Variants in TNS3 observed in about 807,000 individuals in gnomAD.
The protein encoded by TNS3 is tensin-3.
Under a neutral mutation model 140.9 loss-of-function variants are expected in TNS3, and 45 were observed. That is an observed-to-expected ratio of 0.32 (90% CI 0.25 to 0.41). TNS3 has a LOEUF of 0.41. TNS3 is among the 10% of genes least tolerant of loss of function. The pLI is 1.00. For missense variants in TNS3, 1,716 were observed against 1,906.7 expected (o/e 0.90, Z 1.86); for synonymous variants, 815 against 788.4 (o/e 1.03, Z -0.56).
chr7:47,552,627 C>T (rs1224686627), intron 1 of TNS3, among the ~76,000 whole-genome samples: 1 of 152,160 alleles, frequency 6.6e-6, no homozygotes. Context: ...TGAACCAAAT[C>T]CATATAAGAC....
intron 8 of TNS3, among the ~76,000 whole-genome samples, chr7:47,430,131 CTT>C (rs34003202): frequency 0.37 from 52,609 of 141,446 alleles, 9,674 homozygotes; most frequent in Non-Finnish European, 0.42. Flanking sequence ...CTTTTCTTTT[CTT>C]TTTTTTTTTT....
At chr7:47,344,147 T>C (rs2150989830) in intron 20 of TNS3, among the ~76,000 whole-genome samples, 1 of 152,296 alleles carries the variant, frequency 6.6e-6, no homozygotes, top group Middle Eastern at 3.4e-3. Context: ...GAGCTCGGCC[T>C]TGTCCTGGAC....
In TNS3 at chr7:47,344,670, T is replaced by C; in HGVS notation, c.2650+85A>G. ...CGACACAAATGGAAACATTTCTGCA[T>C]ACGAGTTCTTCTCTGTAAAAATGGC... On this transcript the variant is annotated intron_variant, in intron 20 of 30. Coordinates refer to ENST00000311160, the MANE Select transcript of TNS3 (RefSeq NM_022748.12). 5.8e-6 allele frequency: 7 copies of C among 1,202,240 alleles called. 1 individual carries two copies. The South Asian group carries it at 9.2e-5, about 16-fold the overall frequency. The allele number at this position is 1,202,240 out of a possible 1,614,324, so 74.5% of individuals were successfully genotyped here.
chr7:47,386,872 C>A (rs945997574), intron 16 of TNS3, among the ~76,000 whole-genome samples: 7 of 152,208 alleles, frequency 4.6e-5, no homozygotes, highest in Non-Finnish European at 7.3e-5. Context: ...GGATGTTTTA[C>A]ATAAAATATC....
chr7:47,340,092 CATATATATAT>C (rs199944761), intron 20 of TNS3, among the ~76,000 whole-genome samples: 26 of 46,038 alleles, frequency 5.6e-4, no homozygotes, highest in African/African-American at 1.5e-3. Context: ...TGTGCATATA[CATATATATAT>C]ATATATATAT....
chr7:47,507,534 C>T (rs1037233795), intron 2 of TNS3, among the ~76,000 whole-genome samples: 1 of 152,180 alleles, frequency 6.6e-6, no homozygotes, highest in African/African-American at 2.4e-5. Context: ...TGTCTAAATT[C>T]CTATAGGAGA....
At chr7:47,359,882 C>A (rs1790215993) in intron 17 of TNS3, among the ~76,000 whole-genome samples, 2 of 152,112 alleles carry the variant, frequency 1.3e-5, no homozygotes, top group Non-Finnish European at 2.9e-5. Context: ...GCAGTGTGGA[C>A]TGAGCAGAAG....
chr7:47,518,481 T>C (rs1224453170), intron 2 of TNS3, among the ~76,000 whole-genome samples: 5 of 152,140 alleles, frequency 3.3e-5, no homozygotes, highest in Non-Finnish European at 5.9e-5. Context: ...CCCCAGATAT[T>C]CAGTTTTACT....
chr7:47,286,847 CA>C (rs1785445454), intron 27 of TNS3, among the ~76,000 whole-genome samples: 1 of 151,964 alleles, frequency 6.6e-6, no homozygotes, highest in Non-Finnish European at 1.5e-5. Flanking sequence ...TTGTAAAAAC[CA>C]TGGGTAAACT....
rs55743320 is a variant in TNS3 at position 47,433,883 on chromosome 7, A to ATC, written c.324+1397_324+1398dup. Among the ~76,000 whole-genome samples, 868 of 149,536 alleles carry ATC rather than the reference A, an allele frequency of 5.8e-3. 7 individuals carry two copies. Among genetic ancestry groups the ATC allele is most frequent in the African/African-American group, 0.019 (755 of 40,606 alleles). ...TATTTATTTAAAAGTCCGTCTGTCT[A>ATC]TCTCTCTCTCTCTCTCTCTCTCTCT... On this transcript the variant is annotated intron_variant, in intron 8 of 30. Coordinates refer to ENST00000311160, the MANE Select transcript of TNS3 (RefSeq NM_022748.12).
chr7:47,293,433 G>A (rs1202397609), intron 25 of TNS3, among the ~76,000 whole-genome samples: 1 of 152,188 alleles, frequency 6.6e-6, no homozygotes, highest in Non-Finnish European at 1.5e-5. Context: ...TCATGCTGGA[G>A]CTCCAACCTT....
At chr7:47,359,759 G>A (rs750361055) in intron 17 of TNS3, among the ~76,000 whole-genome samples, 4 of 152,100 alleles carry the variant, frequency 2.6e-5, no homozygotes, top group Non-Finnish European at 4.4e-5. Flanking sequence ...GGTTATATTC[G>A]CTATGACTTT....
rs1450105068 is a variant in TNS3, at chr7:47,277,103, G to A, written c.*973C>T. Reference sequence around the variant, plus strand: ...GTTGCTTGAGGCAAAGCCACCTTTGGGCGGCACCGCATATGGGAGACCCAC... The same window carrying A: ...GTTGCTTGAGGCAAAGCCACCTTTGAGCGGCACCGCATATGGGAGACCCAC... On this transcript the variant is annotated 3_prime_UTR_variant, in exon 31 of 31. Coordinates refer to ENST00000311160, the MANE Select transcript of TNS3 (RefSeq NM_022748.12). 2 of 151,878 alleles carry A rather than the reference G, an allele frequency of 1.3e-5. No individual in the cohort carries two copies. The highest frequency in any genetic ancestry group is 1.9e-4 in the East Asian group (1 of 5,148). The allele number at this position is 151,878 out of a possible 1,614,324, so 9.4% of individuals were successfully genotyped here.
intron 1 of TNS3, among the ~76,000 whole-genome samples, chr7:47,557,972 A>G (rs1800239738): frequency 6.6e-6 from 1 of 152,198 alleles, no homozygotes; most frequent in African/African-American, 2.4e-5. Context: ...GCCTCGGGAC[A>G]TCTCTGCTGT....
At chr7:47,547,569 T>C (rs1045091746) in intron 1 of TNS3, among the ~76,000 whole-genome samples, 1 of 151,938 alleles carries the variant, frequency 6.6e-6, no homozygotes, top group African/African-American at 2.4e-5. Context: ...AATCCTATAG[T>C]TCCATCAGAT....
intron 17 of TNS3, among the ~76,000 whole-genome samples, chr7:47,347,236 A>C (rs927489901): frequency 1.3e-5 from 2 of 152,244 alleles, no homozygotes; most frequent in African/African-American, 4.8e-5. Context: ...AGTTTGATTC[A>C]TAAACATGAG....
intron 2 of TNS3, among the ~76,000 whole-genome samples, chr7:47,522,111 T>G (rs1381158680): frequency 6.6e-6 from 1 of 152,140 alleles, no homozygotes; most frequent in Non-Finnish European, 1.5e-5. Context: ...GTCCCAGGTA[T>G]CAGCAGGGAT....
rs570303019 is a variant in TNS3, at chr7:47,444,770, C to T, written c.-75-2715G>A. 2.0e-5 allele frequency among the ~76,000 whole-genome samples: 3 copies of T among 152,270 alleles called. No individual in the cohort carries two copies. In the South Asian group the frequency reaches 6.2e-4, roughly 32 times the overall value. ...CCAATGTTCAAACCCCGAAACCATA[C>T]AAATTGCAACCACTGCCAAAAAAAC... is the stretch of plus-strand genomic sequence containing the variant. On this transcript the variant is annotated intron_variant, in intron 4 of 30. Transcript: ENST00000311160.
chr7:47,400,322 C>T (rs1793081691), intron 15 of TNS3, 71 bp downstream of exon 15: 5 of 1,256,882 alleles, frequency 4.0e-6, no homozygotes, highest in Non-Finnish European at 4.7e-6. Flanking sequence ...GTACTACAGC[C>T]CCAGCGTAGC....
Sources: gnomAD v4.1 joint callset for allele counts (sites outside exome capture counted in the v4.1 genomes callset) on GRCh38, gnomAD v4.1.1 for gene constraint, MANE v1.5 for transcripts, NCBI Gene and HGNC (gene_info 2026-07-23, HGNC 2026-07-21) for gene names.